The following FKTN variants were observed in gnomAD, a reference collection of about 807,000 sequenced individuals.
FKTN encodes fukutin.
FKTN carries 47 observed loss-of-function variants against 58.6 expected under a neutral mutation model. That is an observed-to-expected ratio of 0.80 (90% confidence interval 0.63 to 1.02). FKTN has a LOEUF of 1.02. Among genes scored for constraint, FKTN ranks in the 50% least tolerant of loss-of-function variants. The pLI is 0.00. For synonymous variants in FKTN, 178 were observed against 191.9 expected (o/e 0.93, Z 0.60); for missense variants, 516 against 537.3 (o/e 0.96, Z 0.39).
rs1828492315 is a variant in FKTN, at chr9:105,604,436, G to A, written c.591G>A (p.Arg197=). 2 of 1,614,104 alleles carry A rather than the reference G, an allele frequency of 1.2e-6. No homozygotes were observed. Among genetic ancestry groups the A allele is most frequent in the East Asian group, 4.5e-5 (2 of 44,886 alleles). Residue 197 remains arginine (R), a synonymous_variant, in exon 6 of 11, where the codon AGG becomes AGA. Transcript: ENST00000357998. The stretch of plus-strand genomic sequence containing the variant: ...TGAGACTTAAAGAACACATTGACAG[G>A]AAATTTGTTCCCTTCCGAAAGTTAC... ...GHLRLKEHID[R]KFVPFRKLQF...
intron 3 of FKTN, among the ~76,000 whole-genome samples, chr9:105,575,463 G>A (rs1445331627): frequency 3.3e-5 from 5 of 152,000 alleles, no homozygotes; most frequent in Admixed American, 6.6e-5. Flanking sequence ...GTTTATTTTA[G>A]TACAGCATAT....
chr9:105,639,450 C>G lies in FKTN; in HGVS notation c.*4186C>G. On this transcript the variant is annotated 3_prime_UTR_variant, in exon 11 of 11. Coordinates refer to ENST00000357998, the MANE Select transcript of FKTN (RefSeq NM_001079802.2). ...TAGTGAACTGGGGAAATGATACATA[C>G]TTCTAAGGGTTTTTAGGGGGATTAA... 2 of 615,188 alleles carry G rather than the reference C, an allele frequency of 3.3e-6. No individual in the cohort carries two copies. Among genetic ancestry groups the G allele is most frequent in the South Asian group, 1.5e-4 (2 of 13,782 alleles). 38.1% of individuals were successfully genotyped at this position (615,188 alleles called of 1,614,324 possible).
At chr9:105,561,865 T>G (rs1211883760) in intron 1 of FKTN, among the ~76,000 whole-genome samples, 1 of 152,062 alleles carries the variant, frequency 6.6e-6, no homozygotes, top group Non-Finnish European at 1.5e-5. Flanking sequence ...TAGGGAAGAT[T>G]TGATAGTAGC....
chr9:105,621,517 T>A (rs2518131), intron 10 of FKTN, among the ~76,000 whole-genome samples: 103,704 of 151,896 alleles, frequency 0.68, 35,820 homozygotes, highest in Admixed American at 0.77. Context: ...TATGAAAAGT[T>A]AACCTTTCTC....
chr9:105,582,223 G>A (rs1043716766), intron 3 of FKTN, among the ~76,000 whole-genome samples: 3 of 152,022 alleles, frequency 2.0e-5, no homozygotes, highest in African/African-American at 4.8e-5. Context: ...AGAGGATCTC[G>A]CTTCGTCACC....
chr9:105,581,638 C>G (rs1268971283), intron 3 of FKTN, among the ~76,000 whole-genome samples: 1 of 152,156 alleles, frequency 6.6e-6, no homozygotes, highest in African/African-American at 2.4e-5. Flanking sequence ...GTGCCCTGCC[C>G]CCAGAGGTGG....
intron 10 of FKTN, among the ~76,000 whole-genome samples, chr9:105,634,620 G>A (rs1157464161): frequency 6.6e-6 from 1 of 152,122 alleles, no homozygotes; most frequent in Non-Finnish European, 1.5e-5. Flanking sequence ...AATGCAACTT[G>A]GAGTCCTGCT....
At position 105,629,179 on chromosome 9, in the gene FKTN, T is replaced by C. The variant is rs141999924; in HGVS notation, c.1173-5872T>C. 8.5e-5 allele frequency among the ~76,000 whole-genome samples: 13 copies of C among 152,144 alleles called. No homozygotes were observed. The East Asian group carries it at 1.7e-3, about 20-fold the overall frequency. The stretch of plus-strand genomic sequence containing the variant: ...GAGTTCAAGATAAGCCTGGGCAACA[T>C]AGGGAGACCCCATGTCTACAAAAAA... On this transcript the variant is annotated intron_variant, in intron 10 of 10. Transcript: ENST00000357998.
At position 105,639,799 on chromosome 9, in the gene FKTN, A is replaced by G. The variant is rs1834300374; in HGVS notation, c.*4535A>G. ...TTCTTGGTTAAGCAGTTGTCTCCTA[A>G]TATTATCCCATATGCTACCTAGTTT... On this transcript the variant is annotated 3_prime_UTR_variant, in exon 11 of 11. Transcript: ENST00000357998. 1.7e-6 allele frequency: 2 copies of G among 1,184,826 alleles called. No homozygotes were observed. The highest frequency in any genetic ancestry group is 8.2e-5 in the East Asian group (2 of 24,384). The allele number at this position is 1,184,826 out of a possible 1,614,324, so 73.4% of individuals were successfully genotyped here. A position where few individuals can be genotyped will look rare whatever the true frequency, so the allele number is the denominator to read the frequency against.
intron 9 of FKTN, 63 bp from the exon 10 acceptor site, chr9:105,619,871 A>T (rs1588220676): frequency 7.0e-7 from 1 of 1,435,112 alleles, no homozygotes; most frequent in East Asian, 2.4e-5. Flanking sequence ...ATTTTTTAAA[A>T]AAAGGTTTTT....
chr9:105,609,368 A>T (rs1829501594), intron 7 of FKTN, among the ~76,000 whole-genome samples: 1 of 152,038 alleles, frequency 6.6e-6, no homozygotes, highest in Non-Finnish European at 1.5e-5. Flanking sequence ...ACCACTTGGG[A>T]GTAAGATGTT....
rs74506986 is a variant in FKTN, at chr9:105,562,033, C to T, written c.-181+3868C>T. Among the ~76,000 whole-genome samples, 1,374 of 151,218 alleles carry T rather than the reference C, an allele frequency of 9.1e-3. 20 individuals are homozygous for T. The highest frequency in any genetic ancestry group is 0.032 in the African/African-American group (1,316 of 41,240). On this transcript the variant is annotated intron_variant, in intron 1 of 10. Transcript: ENST00000357998. The stretch of plus-strand genomic sequence containing the variant: ...CTCTAACTATACCTTTTCCTAATTA[C>T]ACTACTCTCTTTCCTCTGTAGTTCA...
chr9:105,640,200 A>G lies in FKTN; in HGVS notation c.*4936A>G, dbSNP rs1834324994. On this transcript the variant is annotated 3_prime_UTR_variant, in exon 11 of 11. Coordinates refer to ENST00000357998, the MANE Select transcript of FKTN (RefSeq NM_001079802.2). ...AGTGAAACAGACTAATTCAATGGCA[A>G]TACCTTTTGTATAGGTCCTGTGCTT... 5.2e-6 allele frequency: 8 copies of G among 1,527,814 alleles called. No homozygotes were observed. In the African/African-American group the frequency reaches 6.9e-5, roughly 13 times the overall value. The allele number at this position is 1,527,814 out of a possible 1,614,324, so 94.6% of individuals were successfully genotyped here.
rs540892037 is a variant in FKTN at position 105,612,137 on chromosome 9, T to C, written c.781-3141T>C. Among the ~76,000 whole-genome samples the C allele has an allele frequency of 8.5e-5, 13 of 152,266 alleles. No homozygotes were observed. In the East Asian group the frequency reaches 2.3e-3, roughly 27 times the overall value. On this transcript the variant is annotated intron_variant, in intron 7 of 10. Coordinates refer to ENST00000357998, the MANE Select transcript of FKTN (RefSeq NM_001079802.2). ...TTGCATTTTCTAATGATCAGTGATG[T>C]TGAACTTTTTTCATATGATTGTTGG...
At chr9:105,580,402 A>G (rs1005981750) in intron 3 of FKTN, among the ~76,000 whole-genome samples, 1 of 149,206 alleles carries the variant, frequency 6.7e-6, no homozygotes, top group African/African-American at 2.5e-5. Context: ...TCTGTAAAGT[A>G]TTTAATTTCT....
At chr9:105,587,150 A>T (rs1392810863) in intron 3 of FKTN, among the ~76,000 whole-genome samples, 1 of 152,200 alleles carries the variant, frequency 6.6e-6, no homozygotes, top group Non-Finnish European at 1.5e-5. Context: ...GAGTGATCCA[A>T]GCCTTTTTAT....
chr9:105,604,488 G>C lies in FKTN; in HGVS notation c.643G>C (p.Asp215His), dbSNP rs745975808. The C allele has an allele frequency of 3.1e-6, 5 of 1,613,708 alleles. No homozygotes were observed. In the Admixed American group the frequency reaches 5.0e-5, roughly 16 times the overall value. Residue 215 changes from aspartate (D) to histidine (H), a missense_variant, in exon 6 of 11, where the codon GAC (aspartate) becomes CAC (histidine). Asp to His is a moderately conservative substitution (Grantham distance 81). Coordinates refer to ENST00000357998, the MANE Select transcript of FKTN (RefSeq NM_001079802.2). Reference protein sequence around the residue: ...LQFGRYPGAFDRPELQQVTVD... With the variant: ...LQFGRYPGAFHRPELQQVTVD... ...GTTTGGTCGTTATCCAGGAGCTTTT[G>C]ACAGGTAAGTTCAGAGTCAAAACGT... is the stretch of plus-strand genomic sequence containing the variant.
In FKTN at chr9:105,601,224, T is replaced by G; in HGVS notation, c.245T>G (p.Leu82Trp). ...VFLIDPLILE[L>W]INKNFEQVKN... is the part of the protein sequence containing the mutation. Reference sequence around the variant, plus strand: ...CTTATTGATCCTTTGATACTGGAATTGATTAATAAGAACTTTGAACAAGTC... The same window carrying G: ...CTTATTGATCCTTTGATACTGGAATGGATTAATAAGAACTTTGAACAAGTC... Residue 82 changes from leucine (L) to tryptophan (W), a missense_variant, in exon 5 of 11, where the codon TTG becomes TGG. By Grantham distance (61) the Leu-to-Trp change is moderately conservative. Transcript: ENST00000357998. 2.5e-6 allele frequency: 4 copies of G among 1,609,454 alleles called. No individual in the cohort carries two copies. Among genetic ancestry groups the G allele is most frequent in the East Asian group, 2.2e-5 (1 of 44,774 alleles).
At chr9:105,577,081 T>C (rs1370019421) in intron 3 of FKTN, among the ~76,000 whole-genome samples, 2 of 136,280 alleles carry the variant, frequency 1.5e-5, no homozygotes, top group African/African-American at 5.8e-5. Flanking sequence ...CTTTGTCAGA[T>C]GAGTAGGTTG....
Sources: allele counts gnomAD v4.1 joint callset (sites outside exome capture counted in the v4.1 genomes callset), GRCh38; gene constraint gnomAD v4.1.1; transcripts MANE v1.5; gene names NCBI Gene and HGNC (gene_info 2026-07-23, HGNC 2026-07-21).